Variants in TSPAN18 observed in about 807,000 individuals in gnomAD.
TSPAN18 encodes tetraspanin 18, also known as tetraspanin-18.
In TSPAN18, 14 loss-of-function variants were observed where a neutral mutation model predicts 27.3. That is an observed-to-expected ratio of 0.51 (90% CI 0.34 to 0.80). The LOEUF (loss-of-function observed/expected upper bound fraction) is 0.80. Among genes scored for constraint, TSPAN18 ranks in the 30% least tolerant of loss-of-function variants. The pLI, the probability that TSPAN18 is intolerant of heterozygous loss-of-function variation, is 0.01. For missense variants in TSPAN18, 268 were observed against 323.9 expected, an observed-to-expected ratio of 0.83 and a Z score of 1.32; for synonymous variants, 143 against 136.5, an observed-to-expected ratio of 1.05 and a Z score of -0.33.
intron 3 of TSPAN18, chr11:44,903,687 A>AT: frequency 2.2e-6 from 1 of 455,522 alleles, no homozygotes; most frequent in Non-Finnish European, 4.4e-6. Context: ...ATGTCATCCG[A>AT]TTTTACCTCC....
chr11:44,768,960 G>A (rs10769080), intron 2 of TSPAN18, among the ~76,000 whole-genome samples: 8,058 of 143,488 alleles, frequency 0.056, 1,037 homozygotes, highest in East Asian at 0.5. Flanking sequence ...GCAGTGGTGC[G>A]ATTTCTGGTC....
intron 3 of TSPAN18, among the ~76,000 whole-genome samples, chr11:44,878,941 C>T (rs1022668632): frequency 2.0e-5 from 3 of 152,258 alleles, no homozygotes; most frequent in Middle Eastern, 3.4e-3. Context: ...AGCCTCCCAT[C>T]CCTCAGCAGC....
chr11:44,906,480 G>C lies in TSPAN18; in HGVS notation c.63+1G>C. 1.9e-6 allele frequency: 3 copies of C among 1,613,934 alleles called. No individual in the cohort carries two copies. The highest frequency in any genetic ancestry group is 2.2e-5 in the South Asian group (2 of 91,086). On this transcript the variant is annotated splice_donor_variant, in intron 4 of 9. Transcript: ENST00000520358. LOFTEE classifies it high-confidence loss of function. ...GTTTGTATTCAATTTCTTCATATTTGTAAGTATTCCTGGGTCTTCCCAGGC... is the reference window on the plus strand; with the variant it reads ...GTTTGTATTCAATTTCTTCATATTTCTAAGTATTCCTGGGTCTTCCCAGGC...
rs1860560270 is a variant in TSPAN18 at position 44,931,486 on chromosome 11, A to G, written c.*2308A>G. The G allele has an allele frequency of 6.5e-6, 1 of 154,004 alleles. No homozygotes were observed. Among genetic ancestry groups the G allele is most frequent in the Admixed American group, 6.4e-5 (1 of 15,548 alleles). The allele number at this position is 154,004 out of a possible 1,614,324, so 9.5% of individuals were successfully genotyped here. A position where few individuals can be genotyped will look rare whatever the true frequency, so the allele number is the denominator to read the frequency against. ...CTGGTCATGAAGGGAAATCTGGCTA[A>G]GGTGGGTTCAAGGGCAGACACAAGA... is the stretch of plus-strand genomic sequence containing the variant. On this transcript the variant is annotated 3_prime_UTR_variant, in exon 10 of 10. Transcript: ENST00000520358.
intron 2 of TSPAN18, among the ~76,000 whole-genome samples, chr11:44,765,662 A>G (rs1244706736): frequency 6.6e-6 from 1 of 152,220 alleles, no homozygotes; most frequent in Non-Finnish European, 1.5e-5. Context: ...GAGTAATGTC[A>G]TCGAGATTTG....
intron 2 of TSPAN18, among the ~76,000 whole-genome samples, chr11:44,792,702 C>G (rs548042796): frequency 2.6e-5 from 4 of 152,264 alleles, no homozygotes; most frequent in Non-Finnish European, 4.4e-5. Flanking sequence ...TGGGGTTCCT[C>G]CCGGAAGAGG....
intron 2 of TSPAN18, among the ~76,000 whole-genome samples, chr11:44,786,799 G>A (rs1395607663): frequency 6.6e-6 from 1 of 151,806 alleles, no homozygotes; most frequent in African/African-American, 2.4e-5. Flanking sequence ...GCCCTGCTAA[G>A]TTGTGTATTT....
intron 1 of TSPAN18, among the ~76,000 whole-genome samples, chr11:44,762,114 G>A (rs567636170): frequency 9.8e-5 from 15 of 152,332 alleles, no homozygotes; most frequent in African/African-American, 3.4e-4. Flanking sequence ...CCTCTCCTCT[G>A]CCAACTTCTA....
intron 2 of TSPAN18, among the ~76,000 whole-genome samples, chr11:44,814,207 G>A (rs1424876490): frequency 6.6e-6 from 1 of 150,576 alleles, no homozygotes; most frequent in Non-Finnish European, 1.5e-5. Context: ...TCTGCATCTG[G>A]TTGCCAATCT....
chr11:44,731,743 G>C (rs1323161318), intron 1 of TSPAN18, among the ~76,000 whole-genome samples: 4 of 151,962 alleles, frequency 2.6e-5, no homozygotes, highest in African/African-American at 4.8e-5. Context: ...AGGGACTCCT[G>C]AATGTTGTGA....
At chr11:44,898,755 T>C (rs1859154605) in intron 3 of TSPAN18, among the ~76,000 whole-genome samples, 1 of 152,214 alleles carries the variant, frequency 6.6e-6, no homozygotes, top group African/African-American at 2.4e-5. Context: ...AACCCATTAA[T>C]CCATGAGTGG....
At chr11:44,916,827 C>G (rs542982034) in intron 5 of TSPAN18, among the ~76,000 whole-genome samples, 1 of 152,200 alleles carries the variant, frequency 6.6e-6, no homozygotes, top group Non-Finnish European at 1.5e-5. Context: ...GAACCAGTCT[C>G]TGTGTGTGCC....
At chr11:44,807,846 A>T (rs1026286771) in intron 2 of TSPAN18, among the ~76,000 whole-genome samples, 16 of 152,332 alleles carry the variant, frequency 1.1e-4, no homozygotes, top group Non-Finnish European at 2.2e-4. Flanking sequence ...CACTGGGCTC[A>T]GAAGGAGAGC....
chr11:44,927,029 T>A (rs1258181673), intron 9 of TSPAN18, among the ~76,000 whole-genome samples: 2 of 152,164 alleles, frequency 1.3e-5, no homozygotes, highest in Non-Finnish European at 2.9e-5. Flanking sequence ...TCTTCCATCC[T>A]CATCCCCACC....
chr11:44,856,388 C>T (rs1183519080), intron 2 of TSPAN18, among the ~76,000 whole-genome samples: 6 of 152,136 alleles, frequency 3.9e-5, no homozygotes, highest in Admixed American at 1.3e-4. Context: ...GTCTTGAATA[C>T]CCGCCCACAT....
At chr11:44,897,630 T>A (rs1859110030) in intron 3 of TSPAN18, 11 of 521,446 alleles carry the variant, frequency 2.1e-5, no homozygotes, top group South Asian at 1.9e-4. Context: ...GGGCCCAGAT[T>A]AGCAGGACAG....
intron 3 of TSPAN18, among the ~76,000 whole-genome samples, chr11:44,867,177 A>G (rs1057155521): frequency 6.6e-6 from 1 of 151,992 alleles, no homozygotes; most frequent in Non-Finnish European, 1.5e-5. Flanking sequence ...TCCACTCCAG[A>G]CCCACTGAAT....
chr11:44,905,742 G>C (rs1386873670), intron 3 of TSPAN18, among the ~76,000 whole-genome samples: 1 of 152,230 alleles, frequency 6.6e-6, no homozygotes, highest in Non-Finnish European at 1.5e-5. Flanking sequence ...ACTTTTAGGT[G>C]AAGACAGGAA....
At chr11:44,831,567 T>C (rs1277512598) in intron 2 of TSPAN18, among the ~76,000 whole-genome samples, 1 of 152,164 alleles carries the variant, frequency 6.6e-6, no homozygotes, top group African/African-American at 2.4e-5. Context: ...TCACCACTCC[T>C]AGGTCCTACT....
Sources: gnomAD v4.1 joint callset for allele counts (sites outside exome capture counted in the v4.1 genomes callset) on GRCh38, gnomAD v4.1.1 for gene constraint, MANE v1.5 for transcripts, NCBI Gene and HGNC (gene_info 2026-07-23, HGNC 2026-07-21) for gene names.